SLC6A19: variants seen among roughly 807,000 people sequenced by gnomAD.
The protein encoded by SLC6A19 is sodium-dependent neutral amino acid transporter B(0)AT1.
SLC6A19 carries 67 observed loss-of-function variants against 68.3 expected under a neutral mutation model. That is an observed-to-expected ratio of 0.98 (90% CI 0.81 to 1.20). The LOEUF (loss-of-function observed/expected upper bound fraction) is 1.20. Ranked by LOEUF, SLC6A19 falls within the 50% of genes most tolerant of loss-of-function variation. The pLI is 0.00. For missense variants in SLC6A19, 813 were observed against 851.6 expected, an observed-to-expected ratio of 0.95 and a Z score of 0.56; for synonymous variants, 392 against 374.9, an observed-to-expected ratio of 1.05 and a Z score of -0.53.
At chr5:1,219,221 G>A in intron 9 of SLC6A19, 114 bp downstream of exon 9, 1 of 1,045,866 alleles carries the variant, frequency 9.6e-7, no homozygotes, top group Non-Finnish European at 1.4e-6. Context: ...CCGGGCGTGT[G>A]AACAGCTCTG....
At chr5:1,203,886 G>T (rs1180073112) in intron 1 of SLC6A19, among the ~76,000 whole-genome samples, 1 of 152,202 alleles carries the variant, frequency 6.6e-6, no homozygotes, top group African/African-American at 2.4e-5. Context: ...TCCAATCTGG[G>T]CCGCAGCTCT....
chr5:1,212,494 G>A lies in SLC6A19; in HGVS notation c.663+10G>A. ...CGAGACCACCGGGAAGGTACTGCAT[G>A]GGCCCGGCCAGGCTGCAGGTGCTCC... On this transcript the variant is annotated intron_variant, in intron 4 of 11. Transcript: ENST00000304460. This position sits in a 1 kb window ranked among gnomAD's most constrained non-coding sequence, Gnocchi z 5.1. 6.2e-7 allele frequency: 1 copy of A among 1,605,266 alleles called. No homozygotes were observed.
chr5:1,202,348 G>A (rs2126488900), intron 1 of SLC6A19, among the ~76,000 whole-genome samples: 1 of 152,306 alleles, frequency 6.6e-6, no homozygotes, highest in Admixed American at 6.5e-5. Flanking sequence ...CCTGGCTCTT[G>A]AGCCAGGTGC....
intron 1 of SLC6A19, among the ~76,000 whole-genome samples, chr5:1,206,480 T>C (rs929574582): frequency 6.6e-6 from 1 of 151,886 alleles, no homozygotes; most frequent in African/African-American, 2.4e-5. Flanking sequence ...CTGAGGATGG[T>C]AGTTTGGGAT....
Position 1,216,882 on chromosome 5 carries a change from C to A in SLC6A19, c.1110C>A (p.Ser370=). 3 of 1,613,678 alleles carry A rather than the reference C, an allele frequency of 1.9e-6. No individual in the cohort carries two copies. Among genetic ancestry groups the A allele is most frequent in the Non-Finnish European group, 2.5e-6 (3 of 1,180,034 alleles). The change falls in exon 8 of 12, where the codon TCC becomes TCA. Residue 370 remains serine (S), a synonymous_variant. Transcript: ENST00000304460. ...ACATGCAGCAGCGGTGCAACGCCTC[C>A]GACCCCGCGGCCTACGCGCAGCTGG... ...FVDMQQRCNA[S]DPAAYAQLVF...
At position 1,224,785 on chromosome 5, in the gene SLC6A19, G is replaced by A. The variant is rs564100651; in HGVS notation, c.*2881G>A. ...GCCCCAGAGTCCAGGGAGCACTGTGGGGAGCTCCTTAGAGCTGAACTCACC... is the reference window on the plus strand; with the variant it reads ...GCCCCAGAGTCCAGGGAGCACTGTGAGGAGCTCCTTAGAGCTGAACTCACC... On this transcript the variant is annotated 3_prime_UTR_variant, in exon 12 of 12. Coordinates refer to ENST00000304460, the MANE Select transcript of SLC6A19 (RefSeq NM_001003841.3). 3.9e-5 allele frequency: 6 copies of A among 152,648 alleles called. No individual in the cohort carries two copies. In the East Asian group the frequency reaches 1.2e-3, roughly 29 times the overall value. 9.5% of individuals were successfully genotyped at this position (152,648 alleles called of 1,614,324 possible).
chr5:1,210,858 C>T (rs1053335197), intron 3 of SLC6A19, among the ~76,000 whole-genome samples: 18 of 152,156 alleles, frequency 1.2e-4, no homozygotes, highest in African/African-American at 4.1e-4. Context: ...CCTGGAGCCC[C>T]AGGCTGCTGG....
At chr5:1,220,385 G>C (rs1746341552) in intron 10 of SLC6A19, among the ~76,000 whole-genome samples, 2 of 149,094 alleles carry the variant, frequency 1.3e-5, no homozygotes, top group Non-Finnish European at 3.0e-5. Flanking sequence ...AATCCAGCCT[G>C]GGTGACAAAA....
At chr5:1,219,137 G>A in intron 9 of SLC6A19, 30 bp downstream of exon 9, 1 of 1,586,926 alleles carries the variant, frequency 6.3e-7, no homozygotes, top group Non-Finnish European at 8.6e-7. Flanking sequence ...GGGTCCCCAT[G>A]GCAATGGTGC....
rs1579515245 is a variant in SLC6A19 at position 1,215,421 on chromosome 5, C to G, written c.888-1137C>G. ...AGCCGCTCCCCAGTGCCCTGTCCTC[C>G]TGCCCCGGGTGAGCACTGATGCGCT... On this transcript the variant is annotated intron_variant, in intron 6 of 11. Coordinates refer to ENST00000304460, the MANE Select transcript of SLC6A19 (RefSeq NM_001003841.3). This position sits in a 1 kb window ranked among gnomAD's most constrained non-coding sequence, Gnocchi z 5.1. Among the ~76,000 whole-genome samples the G allele has an allele frequency of 6.6e-6, 1 of 152,208 alleles. No individual in the cohort carries two copies. The highest frequency in any genetic ancestry group is 1.9e-4 in the East Asian group (1 of 5,200).
chr5:1,209,871 G>A lies in SLC6A19; in HGVS notation c.344-573G>A, dbSNP rs188972394. On this transcript the variant is annotated intron_variant, in intron 2 of 11. Transcript: ENST00000304460. This position sits in a 1 kb window ranked among gnomAD's most constrained non-coding sequence, Gnocchi z 5.5. ...TGAGTTTGAAACTTCAGTAAAGCAT[G>A]TACTACATAGCACACTTTCCATCCT... 6.6e-6 allele frequency among the ~76,000 whole-genome samples: 1 copy of A among 152,298 alleles called. No individual in the cohort carries two copies. Among genetic ancestry groups the A allele is most frequent in the Admixed American group, 6.5e-5 (1 of 15,294 alleles).
chr5:1,218,837 T>A, intron 8 of SLC6A19, 66 bp from the exon 9 acceptor site: 3 of 1,570,916 alleles, frequency 1.9e-6, no homozygotes, highest in Non-Finnish European at 2.6e-6. Flanking sequence ...GCACGAGACC[T>A]CGGGCGGGGA....
In SLC6A19 at chr5:1,202,027, C is replaced by T. The variant is rs13188961; in HGVS notation, c.202+175C>T. Among the ~76,000 whole-genome samples, 28,869 of 152,206 alleles carry T rather than the reference C, an allele frequency of 0.19. 3,360 individuals carry two copies. The highest frequency in any genetic ancestry group is 0.32 in the East Asian group (1,634 of 5,166). On this transcript the variant is annotated intron_variant, in intron 1 of 11. Transcript: ENST00000304460. ...CCCCCACGGGCCCCCGTGCCCGGTT[C>T]CTAGGCTGCTGGTGAGGAGATGGGC... is the stretch of plus-strand genomic sequence containing the variant.
intron 1 of SLC6A19, among the ~76,000 whole-genome samples, chr5:1,205,250 C>T (rs928669394): frequency 1.3e-5 from 2 of 152,248 alleles, no homozygotes; most frequent in African/African-American, 2.4e-5. Flanking sequence ...TCCTCTGCAC[C>T]TCACCCCACA....
At chr5:1,211,779 G>A (rs1045739894) in intron 3 of SLC6A19, among the ~76,000 whole-genome samples, 11 of 151,822 alleles carry the variant, frequency 7.2e-5, no homozygotes, top group South Asian at 4.2e-4. Flanking sequence ...ATGCATGTGC[G>A]TGCATGTGAG....
At position 1,214,857 on chromosome 5, in the gene SLC6A19, T is replaced by A. The variant is rs533983241; in HGVS notation, c.887+792T>A. On this transcript the variant is annotated intron_variant, in intron 6 of 11. Coordinates refer to ENST00000304460, the MANE Select transcript of SLC6A19 (RefSeq NM_001003841.3). This position sits in a 1 kb window ranked among gnomAD's most constrained non-coding sequence, Gnocchi z 7.4. ...GTGGGGCCTAGACTGGACGGGGGCC[T>A]GGGTAGGGAGGGTGGGCCCTGGGTG... 3.3e-3 allele frequency among the ~76,000 whole-genome samples: 22 copies of A among 6,744 alleles called. No homozygotes were observed. The South Asian group carries it at 0.065, about 20-fold the overall frequency. 4.4% of individuals were successfully genotyped at this position (6,744 alleles called of 152,430 possible). A position where few individuals can be genotyped will look rare whatever the true frequency, so the allele number is the denominator to read the frequency against.
chr5:1,209,356 A>C lies in SLC6A19; in HGVS notation c.343+470A>C, dbSNP rs1435734658. Among the ~76,000 whole-genome samples, 1 of 152,198 alleles carries C rather than the reference A, an allele frequency of 6.6e-6. No individual in the cohort carries two copies. Among genetic ancestry groups the C allele is most frequent in the Non-Finnish European group, 1.5e-5 (1 of 68,024 alleles). On this transcript the variant is annotated intron_variant, in intron 2 of 11. Coordinates refer to ENST00000304460, the MANE Select transcript of SLC6A19 (RefSeq NM_001003841.3). The surrounding 1 kb of genome is among the most constrained non-coding windows in gnomAD (Gnocchi z 5.5). The stretch of plus-strand genomic sequence containing the variant: ...CAGCCTCACCAAGAGGACACGGCTC[A>C]TTAAGCCCTCAGAATATGGGCAGAC...
At position 1,224,777 on chromosome 5, in the gene SLC6A19, G is replaced by C. The variant is rs1021461220; in HGVS notation, c.*2873G>C. On this transcript the variant is annotated 3_prime_UTR_variant, in exon 12 of 12. Coordinates refer to ENST00000304460, the MANE Select transcript of SLC6A19 (RefSeq NM_001003841.3). Reference sequence around the variant, plus strand: ...AAGGAGGAGCCCCAGAGTCCAGGGAGCACTGTGGGGAGCTCCTTAGAGCTG... The same window carrying C: ...AAGGAGGAGCCCCAGAGTCCAGGGACCACTGTGGGGAGCTCCTTAGAGCTG... The C allele has an allele frequency of 6.6e-6, 1 of 152,500 alleles. No individual in the cohort carries two copies. Among genetic ancestry groups the C allele is most frequent in the Non-Finnish European group, 1.5e-5 (1 of 68,228 alleles). 9.4% of individuals were successfully genotyped at this position (152,500 alleles called of 1,614,324 possible). A position where few individuals can be genotyped will look rare whatever the true frequency, so the allele number is the denominator to read the frequency against.
At chr5:1,217,218 T>C (rs1349196182) in intron 8 of SLC6A19, among the ~76,000 whole-genome samples, 2 of 152,206 alleles carry the variant, frequency 1.3e-5, no homozygotes, top group Non-Finnish European at 2.9e-5. Flanking sequence ...GGGCTGCCCC[T>C]CCATTCTCTC....
Sources: allele counts gnomAD v4.1 joint callset (sites outside exome capture counted in the v4.1 genomes callset), GRCh38; gene constraint gnomAD v4.1.1; non-coding constraint Gnocchi (gnomAD v3.1); transcripts MANE v1.5; gene names NCBI Gene and HGNC (gene_info 2026-07-23, HGNC 2026-07-21).